The following PAH variants were observed in gnomAD, a reference collection of about 807,000 sequenced individuals.
The protein encoded by PAH is phenylalanine-4-hydroxylase.
A neutral mutation model predicts 62.0 loss-of-function variants in PAH; 64 were observed. The observed-to-expected ratio is 1.03, with a 90% CI of 0.84 to 1.27. PAH has a LOEUF of 1.27. Among genes scored for constraint, PAH ranks in the 50% most tolerant of loss-of-function variants. The pLI is 0.00. For synonymous variants in PAH, 195 were observed against 196.2 expected, an observed-to-expected ratio of 0.99 and a Z score of 0.05; for missense variants, 579 against 542.8, an observed-to-expected ratio of 1.07 and a Z score of -0.66.
chr12:102,914,649 C>T (rs1878319524), intron 1 of PAH: 1 of 152,216 alleles, frequency 6.6e-6, no homozygotes, highest in Non-Finnish European at 1.5e-5. Flanking sequence ...TTTCCAGTTT[C>T]CTTGAAATGA....
intron 2 of PAH, among the ~76,000 whole-genome samples, chr12:102,899,125 G>C (rs1053590894): frequency 6.6e-6 from 1 of 152,194 alleles, no homozygotes; most frequent in African/African-American, 2.4e-5. Flanking sequence ...CTTGGCTCAG[G>C]AATAAAGAGA....
Position 102,851,674 on chromosome 12 carries a change from A to G in PAH, c.912+13T>C. 1.2e-6 allele frequency: 2 copies of G among 1,612,686 alleles called. No individual in the cohort carries two copies. The highest frequency in any genetic ancestry group is 1.3e-5 in the African/African-American group (1 of 75,014). ...AGACCTATAACTAGAAGGCTAAAAA[A>G]TCCATTCCTTACCTGGGAAAACTGG... On this transcript the variant is annotated intron_variant, in intron 8 of 12. Coordinates refer to ENST00000553106, the MANE Select transcript of PAH (RefSeq NM_000277.3).
intron 1 of PAH, among the ~76,000 whole-genome samples, chr12:102,933,481 G>T (rs1235620807): frequency 6.6e-6 from 1 of 151,980 alleles, no homozygotes; most frequent in Non-Finnish European, 1.5e-5. Context: ...TTTATTTGGG[G>T]TATATACCCA....
chr12:102,958,393 CGCA>C (rs3832799), upstream of PAH: 31,083 of 1,297,614 alleles, frequency 0.024, 46 homozygotes, highest in South Asian at 0.077. Context: ...GCGCAGAGCG[CGCA>C]GCAGCAGCAG....
At chr12:102,858,207 C>T (rs1188953616) in intron 5 of PAH, among the ~76,000 whole-genome samples, 1 of 152,028 alleles carries the variant, frequency 6.6e-6, no homozygotes, top group Non-Finnish European at 1.5e-5. Flanking sequence ...TTTAAACCAA[C>T]AATGATAAAA....
chr12:102,906,480 TA>T (rs1877982131), intron 2 of PAH, among the ~76,000 whole-genome samples: 1 of 152,112 alleles, frequency 6.6e-6, no homozygotes, highest in Non-Finnish European at 1.5e-5. Context: ...GGATGATAAA[TA>T]AAATATGATA....
In PAH at chr12:102,872,789, G is replaced by A. The variant is rs1487803333; in HGVS notation, c.441+4673C>T. Among the ~76,000 whole-genome samples, 5 of 152,106 alleles carry A rather than the reference G, an allele frequency of 3.3e-5. No individual in the cohort carries two copies. In the South Asian group the frequency reaches 6.2e-4, roughly 19 times the overall value. On this transcript the variant is annotated intron_variant, in intron 4 of 12. Coordinates refer to ENST00000553106, the MANE Select transcript of PAH (RefSeq NM_000277.3). ...TTGAGACCAGCTTGGCCAACATGACGAAACCCCATCTCTACTAAAAATACA... is the reference window on the plus strand; with the variant it reads ...TTGAGACCAGCTTGGCCAACATGACAAAACCCCATCTCTACTAAAAATACA...
rs544980080 is a variant in PAH at position 102,888,362 on chromosome 12, T to C, written c.352+6373A>G. On this transcript the variant is annotated intron_variant, in intron 3 of 12. Transcript: ENST00000553106. ...TGTTTTCTAATATTGAAAACAAGAA[T>C]AATACTATGTTTGCTTTAGCTGCCT... Among the ~76,000 whole-genome samples, 15 of 152,124 alleles carry C rather than the reference T, an allele frequency of 9.9e-5. No individual in the cohort carries two copies. The South Asian group carries it at 3.1e-3, about 32-fold the overall frequency.
At chr12:102,876,386 T>G (rs1347555053) in intron 4 of PAH, among the ~76,000 whole-genome samples, 1 of 152,192 alleles carries the variant, frequency 6.6e-6, no homozygotes, top group Non-Finnish European at 1.5e-5. Context: ...GGACTCACAG[T>G]TTAGCACCGG....
intron 2 of PAH, among the ~76,000 whole-genome samples, chr12:102,910,373 T>C (rs1217871518): frequency 7.4e-6 from 1 of 134,482 alleles, no homozygotes; most frequent in Non-Finnish European, 1.6e-5. Flanking sequence ...TTGAAATTCC[T>C]TTTTTTTTTT....
At chr12:102,944,999 A>G (rs1008302278) in intron 1 of PAH, 1 of 152,246 alleles carries the variant, frequency 6.6e-6, no homozygotes, top group African/African-American at 2.4e-5. Flanking sequence ...ACCAAGTAAT[A>G]CTGTGGCTCT....
intron 2 of PAH, among the ~76,000 whole-genome samples, chr12:102,908,593 T>C (rs1386265884): frequency 1.3e-5 from 2 of 152,174 alleles, no homozygotes; most frequent in African/African-American, 2.4e-5. Context: ...ATAATTTTGA[T>C]TTATGAAAAA....
At chr12:102,916,453 T>A (rs1255522389) in intron 1 of PAH, 1 of 156,452 alleles carries the variant, frequency 6.4e-6, no homozygotes, top group Non-Finnish European at 1.4e-5. Flanking sequence ...GAGAATGGAA[T>A]ATACCTTGGG....
At chr12:102,920,074 A>T (rs555244972), upstream of PAH, among the ~76,000 whole-genome samples, 18 of 152,330 alleles carry the variant, frequency 1.2e-4, no homozygotes, top group South Asian at 3.7e-3. Context: ...CCTATCTCAC[A>T]TAAAAATGCC....
chr12:102,853,031 A>AGTAC, intron 6 of PAH, 81 bp from the exon 7 acceptor site: 1 of 1,480,652 alleles, frequency 6.8e-7, no homozygotes, highest in East Asian at 2.4e-5. Flanking sequence ...GTAGTGGAGT[A>AGTAC]GTACACATAA....
chr12:102,866,664 C>T lies in PAH; in HGVS notation c.442-1G>A, dbSNP rs62514907. ...CACGGTACACAGGATCTTTAAAACC[C>T]TAGGAGAAAAGAGACACCTGATTTT... On this transcript the variant is annotated splice_acceptor_variant, in intron 4 of 12. Coordinates refer to ENST00000553106, the MANE Select transcript of PAH (RefSeq NM_000277.3). LOFTEE classifies it high-confidence loss of function. 7 of 1,613,180 alleles carry T rather than the reference C, an allele frequency of 4.3e-6. No individual in the cohort carries two copies. In the East Asian group the frequency reaches 1.3e-4, roughly 31 times the overall value.
At position 102,868,078 on chromosome 12, in the gene PAH, ATGTG is replaced by A. The variant is rs758762716; in HGVS notation, c.442-1419_442-1416del. On this transcript the variant is annotated intron_variant, in intron 4 of 12. Coordinates refer to ENST00000553106, the MANE Select transcript of PAH (RefSeq NM_000277.3). ...TATATATACACATATATATACATATATGTGTGTGTGTATATATATATATATACAC... is the reference window on the plus strand; with the variant it reads ...TATATATACACATATATATACATATATGTGTGTATATATATATATATACAC... 2.8e-3 allele frequency among the ~76,000 whole-genome samples: 179 copies of A among 64,766 alleles called. 10 individuals are homozygous for A. Among genetic ancestry groups the A allele is most frequent in the South Asian group, 3.8e-3 (8 of 2,084 alleles). The allele number at this position is 64,766 out of a possible 152,430, so 42.5% of individuals were successfully genotyped here. A position where few individuals can be genotyped will look rare whatever the true frequency, so the allele number is the denominator to read the frequency against.
chr12:102,855,587 G>A (rs945617290), intron 5 of PAH, among the ~76,000 whole-genome samples: 2 of 152,088 alleles, frequency 1.3e-5, no homozygotes, highest in African/African-American at 4.8e-5. Flanking sequence ...CTCACTTTCG[G>A]GAAATCACTT....
chr12:102,940,151 T>C (rs929910255), intron 1 of PAH, among the ~76,000 whole-genome samples: 4 of 152,176 alleles, frequency 2.6e-5, no homozygotes, highest in Non-Finnish European at 5.9e-5. Flanking sequence ...AGACTGGCCC[T>C]CTGAAAACAT....
Sources: allele counts gnomAD v4.1 joint callset (sites outside exome capture counted in the v4.1 genomes callset), GRCh38; gene constraint gnomAD v4.1.1; transcripts MANE v1.5; gene names NCBI Gene and HGNC (gene_info 2026-07-23, HGNC 2026-07-21).